HTR4: variants seen among roughly 807,000 people sequenced by gnomAD.
HTR4 encodes the protein 5-hydroxytryptamine receptor 4, also known as 5-hydroxytryptamine (serotonin) receptor 4, G protein-coupled.
HTR4 carries 16 observed loss-of-function variants against 36.8 expected under a neutral mutation model. The observed-to-expected ratio is 0.43, with a 90% CI of 0.29 to 0.66. The LOEUF is 0.66. Ranked by LOEUF, HTR4 falls within the 30% of genes least tolerant of loss-of-function variation. HTR4 has a pLI of 0.13. For missense variants in HTR4, 438 were observed against 490.9 expected, an observed-to-expected ratio of 0.89 and a Z score of 1.02; for synonymous variants, 189 against 185.1, an observed-to-expected ratio of 1.02 and a Z score of -0.17.
intron 6 of HTR4, among the ~76,000 whole-genome samples, chr5:148,485,749 C>T (rs1478010014): frequency 2.0e-5 from 3 of 151,948 alleles, no homozygotes; most frequent in Non-Finnish European, 4.4e-5. Context: ...AAGAGAGGGG[C>T]CACATGAATA....
At chr5:148,591,781 A>G (rs1382540859) in intron 2 of HTR4, among the ~76,000 whole-genome samples, 2 of 152,226 alleles carry the variant, frequency 1.3e-5, no homozygotes, top group Non-Finnish European at 2.9e-5. Flanking sequence ...AATAGCTATT[A>G]CTAAAAAGTA....
At chr5:148,461,667 G>A (rs1314181993) in intron 5 of HTR4, among the ~76,000 whole-genome samples, 1 of 151,928 alleles carries the variant, frequency 6.6e-6, no homozygotes, top group Non-Finnish European at 1.5e-5. Context: ...CACGATTATA[G>A]CTGCAGACTT....
intron 5 of HTR4, among the ~76,000 whole-genome samples, chr5:148,452,556 G>A (rs1381339291): frequency 6.6e-6 from 1 of 152,168 alleles, no homozygotes; most frequent in African/African-American, 2.4e-5. Context: ...CCACAACAAA[G>A]AATTATCTGG....
intron 6 of HTR4, among the ~76,000 whole-genome samples, chr5:148,496,965 A>T (rs1756712383): frequency 6.6e-6 from 1 of 152,188 alleles, no homozygotes; most frequent in African/African-American, 2.4e-5. Context: ...TGAGTTCCAG[A>T]ATCTGCAAAC....
intron 6 of HTR4, among the ~76,000 whole-genome samples, chr5:148,508,545 G>C (rs1757334069): frequency 6.6e-6 from 1 of 151,972 alleles, no homozygotes; most frequent in African/African-American, 2.4e-5. Context: ...TGTTCTATCT[G>C]CCTGAAATGG....
At chr5:148,561,109 G>T (rs966125323) in intron 2 of HTR4, among the ~76,000 whole-genome samples, 2 of 152,118 alleles carry the variant, frequency 1.3e-5, no homozygotes, top group African/African-American at 2.4e-5. Context: ...GAGGTGGTTG[G>T]TGCACAGCTG....
chr5:148,548,639 C>T, intron 4 of HTR4, 29 bp downstream of exon 4: 1 of 1,543,068 alleles, frequency 6.5e-7, no homozygotes, highest in Non-Finnish European at 8.8e-7. Flanking sequence ...CAGCATGGAG[C>T]TCCGCTATGC....
chr5:148,475,654 T>C (rs1755677791), downstream of HTR4, among the ~76,000 whole-genome samples: 1 of 152,338 alleles, frequency 6.6e-6, no homozygotes. Context: ...AAACAATCAC[T>C]GCCTGCCACT....
At chr5:148,465,972 A>G (rs948045256) in intron 5 of HTR4, 2 of 1,585,796 alleles carry the variant, frequency 1.3e-6, no homozygotes, top group African/African-American at 2.8e-5. Context: ...AGAGCCAAGC[A>G]GAATTTGGGA....
intron 3 of HTR4, 148 bp downstream of exon 3, chr5:148,549,989 C>A: frequency 1.3e-6 from 1 of 769,890 alleles, no homozygotes; most frequent in Non-Finnish European, 2.0e-6. Context: ...ATTGCAATCC[C>A]TTTTTCTCCC....
intron 6 of HTR4, among the ~76,000 whole-genome samples, chr5:148,501,677 T>C (rs1756940465): frequency 6.6e-6 from 1 of 152,198 alleles, no homozygotes; most frequent in Non-Finnish European, 1.5e-5. Context: ...CTCTAGCAGA[T>C]GCAGGTTTCA....
chr5:148,633,642 T>C (rs1169922222), intron 2 of HTR4, among the ~76,000 whole-genome samples: 1 of 151,928 alleles, frequency 6.6e-6, no homozygotes, highest in Admixed American at 6.6e-5. Flanking sequence ...TGGTTTTCTT[T>C]TATCACCGTA....
At chr5:148,565,108 T>TA (rs75435936) in intron 2 of HTR4, among the ~76,000 whole-genome samples, 1,431 of 124,852 alleles carry the variant, frequency 0.011, 18 homozygotes, top group African/African-American at 0.033. Flanking sequence ...AGACTCCATC[T>TA]AAAAAAAAAA....
intron 6 of HTR4, chr5:148,509,224 G>C (rs1289706998): frequency 2.1e-6 from 1 of 474,728 alleles, no homozygotes; most frequent in Admixed American, 3.8e-5. Flanking sequence ...TAAACGACCT[G>C]CCCAAGGTCA....
chr5:148,560,067 A>C (rs919331203), intron 2 of HTR4, among the ~76,000 whole-genome samples: 1 of 151,994 alleles, frequency 6.6e-6, no homozygotes, highest in African/African-American at 2.4e-5. Context: ...ATTTTGACTT[A>C]AGTGGAAATC....
At chr5:148,508,832 G>C (rs556588276) in intron 6 of HTR4, among the ~76,000 whole-genome samples, 12 of 151,864 alleles carry the variant, frequency 7.9e-5, no homozygotes, top group African/African-American at 2.7e-4. Flanking sequence ...GTACCATTGT[G>C]AGTGCTTACT....
intron 2 of HTR4, among the ~76,000 whole-genome samples, chr5:148,559,692 C>A (rs541462137): frequency 6.6e-6 from 1 of 152,072 alleles, no homozygotes. Flanking sequence ...TCAATGACTG[C>A]GAGCTAGCTT....
Position 148,539,028 on chromosome 5 carries a change from A to C in HTR4, c.353+9640T>G, listed in dbSNP as rs1758974349. On this transcript the variant is annotated intron_variant, in intron 4 of 6. Coordinates refer to ENST00000377888, the MANE Select transcript of HTR4 (RefSeq NM_000870.7). Reference sequence around the variant, plus strand: ...AGCATGGTACTGGTATGAAAACAGAAACATAGACCAGTGGAGCAGAATAGA... The same window carrying C: ...AGCATGGTACTGGTATGAAAACAGACACATAGACCAGTGGAGCAGAATAGA... Among the ~76,000 whole-genome samples, 5 of 152,090 alleles carry C rather than the reference A, an allele frequency of 3.3e-5. No individual in the cohort carries two copies. In the South Asian group the frequency reaches 1.0e-3, roughly 32 times the overall value.
At chr5:148,619,731 G>C (rs1752844899) in intron 2 of HTR4, among the ~76,000 whole-genome samples, 1 of 152,144 alleles carries the variant, frequency 6.6e-6, no homozygotes, top group African/African-American at 2.4e-5. Context: ...GTCCAGCCAA[G>C]ATTGTAGAAG....
Sources: allele counts gnomAD v4.1 joint callset (sites outside exome capture counted in the v4.1 genomes callset), GRCh38; gene constraint gnomAD v4.1.1; transcripts MANE v1.5; gene names NCBI Gene and HGNC (gene_info 2026-07-23, HGNC 2026-07-21).